The following GNG7 variants were observed in gnomAD, a reference collection of about 807,000 sequenced individuals.
GNG7 encodes guanine nucleotide-binding protein G(I)/G(S)/G(O) subunit gamma-7.
GNG7 carries 1 observed loss-of-function variant against 4.0 expected under a neutral mutation model. The ratio of observed to expected loss-of-function variants is 0.25; its 90% CI spans 0.09 to 1.18. GNG7 has a LOEUF of 1.18. Among genes scored for constraint, GNG7 ranks in the 50% most tolerant of loss-of-function variants. The probability of loss-of-function intolerance (pLI) is 0.50; values close to 1 mark genes in which losing one functional copy is unlikely to be tolerated. For missense variants in GNG7, 86 were observed against 91.9 expected (o/e 0.94, Z 0.26); for synonymous variants, 34 against 36.9 (o/e 0.92, Z 0.29).
chr19:2,675,497 C>G (rs1461448117), intron 1 of GNG7, among the ~76,000 whole-genome samples: 1 of 152,132 alleles, frequency 6.6e-6, no homozygotes, highest in Non-Finnish European at 1.5e-5. Context: ...CGTTATTTAG[C>G]AAACCAGGCT....
At chr19:2,562,910 G>C (rs79939083) in intron 2 of GNG7, among the ~76,000 whole-genome samples, 3 of 151,906 alleles carry the variant, frequency 2.0e-5, no homozygotes, top group African/African-American at 2.4e-5. Flanking sequence ...CTGGTGTCCA[G>C]TGTGAGCAAG....
At chr19:2,565,242 T>G (rs1412265477) in intron 2 of GNG7, among the ~76,000 whole-genome samples, 1 of 152,014 alleles carries the variant, frequency 6.6e-6, no homozygotes, top group African/African-American at 2.4e-5. Flanking sequence ...CCAGGCGCGG[T>G]GGCTCACACC....
intron 2 of GNG7, chr19:2,610,974 G>A (rs1246732394): frequency 7.9e-6 from 1 of 126,130 alleles, no homozygotes; most frequent in South Asian, 3.5e-4. Flanking sequence ...GGGCGGGTGG[G>A]AGGGGGGGAA....
chr19:2,633,115 C>G lies in GNG7; in HGVS notation c.-78+13109G>C, dbSNP rs769435142. On this transcript the variant is annotated intron_variant, in intron 2 of 4. Coordinates refer to ENST00000382159, the MANE Select transcript of GNG7 (RefSeq NM_052847.3). This position sits in a 1 kb window ranked among gnomAD's most constrained non-coding sequence, Gnocchi z 5.9. ...CTGCGCAGAGATCCGAGGGTGTTAGCCTGGCAGGGGCCCTGCAGGTGGGTG... is the reference window on the plus strand; with the variant it reads ...CTGCGCAGAGATCCGAGGGTGTTAGGCTGGCAGGGGCCCTGCAGGTGGGTG... Among the ~76,000 whole-genome samples, 140 of 152,222 alleles carry G rather than the reference C, an allele frequency of 9.2e-4. 4 individuals are homozygous for G. The highest frequency in any genetic ancestry group is 2.2e-4 in the Non-Finnish European group (15 of 68,036).
intron 1 of GNG7, among the ~76,000 whole-genome samples, chr19:2,659,610 A>AAAAAAAG (rs5826778): frequency 8.2e-5 from 10 of 121,470 alleles, no homozygotes; most frequent in East Asian, 3.1e-4. Context: ...AAAAAAAAAA[A>AAAAAAAG]AGAGAGGAGG....
intron 2 of GNG7, among the ~76,000 whole-genome samples, chr19:2,602,921 CTTTT>C (rs754283734): frequency 2.0e-5 from 3 of 147,162 alleles, no homozygotes; most frequent in Admixed American, 1.4e-4. Flanking sequence ...TTCTTTCTTT[CTTTT>C]TGTTTCTTCC....
In GNG7 at chr19:2,618,793, T is replaced by C. The variant is rs899675726; in HGVS notation, c.-78+27431A>G. On this transcript the variant is annotated intron_variant, in intron 2 of 4. Coordinates refer to ENST00000382159, the MANE Select transcript of GNG7 (RefSeq NM_052847.3). The surrounding 1 kb of genome is among the most constrained non-coding windows in gnomAD (Gnocchi z 5.1). The stretch of plus-strand genomic sequence containing the variant: ...GTAACCACAGGGCATTGCTCACAGC[T>C]GGGGAACGCTGGCACCTTCCTAGTA... 6.6e-6 allele frequency among the ~76,000 whole-genome samples: 1 copy of C among 152,116 alleles called. No individual in the cohort carries two copies. The highest frequency in any genetic ancestry group is 1.5e-5 in the Non-Finnish European group (1 of 68,018).
intron 2 of GNG7, among the ~76,000 whole-genome samples, chr19:2,612,704 GAA>G (rs67891812): frequency 2.4e-5 from 3 of 124,840 alleles, no homozygotes; most frequent in African/African-American, 7.3e-5. Context: ...TTTTTTTTGA[GAA>G]ATTTTTTTTT....
At chr19:2,533,084 C>T (rs1239421363) in intron 3 of GNG7, among the ~76,000 whole-genome samples, 2 of 151,942 alleles carry the variant, frequency 1.3e-5, no homozygotes, top group African/African-American at 2.4e-5. Context: ...TGGCATTTCA[C>T]ACAATGAAAT....
In GNG7 at chr19:2,645,140, G is replaced by A. The variant is rs367680626; in HGVS notation, c.-78+1084C>T. Among the ~76,000 whole-genome samples, 8 of 152,140 alleles carry A rather than the reference G, an allele frequency of 5.3e-5. No homozygotes were observed. The East Asian group carries it at 1.2e-3, about 22-fold the overall frequency. ...CTGGCACTTTGGGAAGTCAAAGCAG[G>A]AAGATCACTTGAGCCACGGAGTTCA... On this transcript the variant is annotated intron_variant, in intron 2 of 4. Transcript: ENST00000382159.
At chr19:2,522,167 AC>A (rs2144729389) in intron 3 of GNG7, among the ~76,000 whole-genome samples, 1 of 151,746 alleles carries the variant, frequency 6.6e-6, no homozygotes, top group African/African-American at 2.4e-5. Context: ...GCTGCTCAGC[AC>A]CCTGCAGTGC....
At chr19:2,591,237 A>C (rs1980842497) in intron 2 of GNG7, among the ~76,000 whole-genome samples, 1 of 152,138 alleles carries the variant, frequency 6.6e-6, no homozygotes, top group Non-Finnish European at 1.5e-5. Context: ...GATGTGGAAG[A>C]ATAATCATCC....
intron 2 of GNG7, among the ~76,000 whole-genome samples, chr19:2,613,152 G>C (rs904693150): frequency 7.0e-6 from 1 of 142,554 alleles, no homozygotes; most frequent in Non-Finnish European, 1.5e-5. Context: ...AATTTCTGAT[G>C]CAAGTTTAAC....
In GNG7 at chr19:2,617,248, CAGAGTCCCCTGG is replaced by C. The variant is rs1568264141; in HGVS notation, c.-78+28964_-78+28975del. ...ACCACAGATGTCCCCAGATATCACC[CAGAGTCCCCTGG>C]AGGCAAACCTGTCCCACTTAAGAAC... is the stretch of plus-strand genomic sequence containing the variant. On this transcript the variant is annotated intron_variant, in intron 2 of 4. Transcript: ENST00000382159. This position sits in a 1 kb window ranked among gnomAD's most constrained non-coding sequence, Gnocchi z 4.7. Among the ~76,000 whole-genome samples, 1 of 152,128 alleles carries C rather than the reference CAGAGTCCCCTGG, an allele frequency of 6.6e-6. No individual in the cohort carries two copies. The highest frequency in any genetic ancestry group is 1.5e-5 in the Non-Finnish European group (1 of 68,020).
intron 2 of GNG7, among the ~76,000 whole-genome samples, chr19:2,605,741 T>C (rs886487707): frequency 2.0e-5 from 3 of 149,518 alleles, no homozygotes; most frequent in Non-Finnish European, 3.0e-5. Flanking sequence ...CTCGATCTCC[T>C]GACCTCGTGA....
chr19:2,656,056 A>G (rs541254427), intron 1 of GNG7, among the ~76,000 whole-genome samples: 20 of 150,072 alleles, frequency 1.3e-4, no homozygotes, highest in African/African-American at 4.7e-4. Flanking sequence ...AAGAAAGAAA[A>G]AAAAAAGAAA....
At chr19:2,567,150 A>C (rs1411946567) in intron 2 of GNG7, among the ~76,000 whole-genome samples, 2 of 141,332 alleles carry the variant, frequency 1.4e-5, no homozygotes, top group Admixed American at 1.4e-4. Flanking sequence ...AAACAAAAAA[A>C]AAAACACAAA....
chr19:2,659,624 GGGAAAGAGGGAGGGAA>G (rs1983094934), intron 1 of GNG7, among the ~76,000 whole-genome samples: 1 of 145,194 alleles, frequency 6.9e-6, no homozygotes, highest in African/African-American at 2.6e-5. Context: ...GAGGAGGGGA[GGGAAAGAGGGAGGGAA>G]GGAAAGAGGA....
intron 2 of GNG7, among the ~76,000 whole-genome samples, chr19:2,602,267 G>A (rs1362339138): frequency 6.6e-6 from 1 of 152,160 alleles, no homozygotes; most frequent in African/African-American, 2.4e-5. Context: ...AACCCGGGAG[G>A]CAGAGGTTGC....
Sources: gnomAD v4.1 joint callset for allele counts (sites outside exome capture counted in the v4.1 genomes callset) on GRCh38, gnomAD v4.1.1 for gene constraint, Gnocchi (gnomAD v3.1) non-coding constraint, MANE v1.5 for transcripts, NCBI Gene and HGNC (gene_info 2026-07-23, HGNC 2026-07-21) for gene names.